SYT2: variants seen among roughly 807,000 people sequenced by gnomAD.
SYT2 encodes the protein synaptotagmin-2.
A neutral mutation model predicts 39.9 loss-of-function variants in SYT2; 15 were observed. That is an observed-to-expected ratio of 0.38 (90% confidence interval 0.25 to 0.58). The LOEUF is 0.58. SYT2 is among the 20% of genes least tolerant of loss of function. SYT2 has a pLI of 0.70. For missense variants in SYT2, 389 were observed against 530.3 expected (o/e 0.73, Z 2.62); for synonymous variants, 181 against 204.5 (o/e 0.89, Z 0.98).
chr1:202,635,170 T>C (rs1444106390), intron 1 of SYT2, among the ~76,000 whole-genome samples: 2 of 152,210 alleles, frequency 1.3e-5, no homozygotes, highest in African/African-American at 2.4e-5. Context: ...CAAAGTCCCA[T>C]GGCTAGGAGG....
rs555348838 is a variant in SYT2 at position 202,599,180 on chromosome 1, A to G, written c.1053+38T>C. ...CTCCCCATACATGTTTGCCTCCCCA[A>G]ACCCTGCTCCATGCCTAGGAACCCA... On this transcript the variant is annotated intron_variant, in intron 8 of 8. Transcript: ENST00000367268. This position sits in a 1 kb window ranked among gnomAD's most constrained non-coding sequence, Gnocchi z 4.4. 3.7e-6 allele frequency: 6 copies of G among 1,609,174 alleles called. No homozygotes were observed. The Admixed American group carries it at 8.5e-5, about 23-fold the overall frequency.
intron 1 of SYT2, among the ~76,000 whole-genome samples, chr1:202,670,852 T>C (rs963382549): frequency 2.6e-5 from 4 of 152,232 alleles, no homozygotes; most frequent in Non-Finnish European, 5.9e-5. Flanking sequence ...TGACTAATCA[T>C]ACACAGCCAT....
At chr1:202,604,866 G>T (rs1306915219) in intron 2 of SYT2, among the ~76,000 whole-genome samples, 1 of 116,280 alleles carries the variant, frequency 8.6e-6, no homozygotes, top group African/African-American at 3.3e-5. Flanking sequence ...TGTTGGTATA[G>T]CCTGCTAGCT....
Position 202,683,120 on chromosome 1 carries a change from G to A in SYT2, c.-18+27138C>T, listed in dbSNP as rs935071383. The stretch of plus-strand genomic sequence containing the variant: ...CCAAAACATGGAGGAGCAGGAATTC[G>A]CCATCACTACTGGTGGGAGTGTAAG... On this transcript the variant is annotated intron_variant, in intron 1 of 8. Transcript: ENST00000367268. 7.2e-5 allele frequency among the ~76,000 whole-genome samples: 11 copies of A among 152,158 alleles called. No homozygotes were observed. The South Asian group carries it at 1.0e-3, about 14-fold the overall frequency.
chr1:202,642,672 T>C (rs1428708537), intron 1 of SYT2, among the ~76,000 whole-genome samples: 2 of 151,958 alleles, frequency 1.3e-5, no homozygotes, highest in African/African-American at 2.4e-5. Flanking sequence ...GCGGGGGCGC[T>C]CAGAAAGGCA....
At chr1:202,618,160 A>G (rs183966243) in intron 1 of SYT2, among the ~76,000 whole-genome samples, 1 of 152,130 alleles carries the variant, frequency 6.6e-6, no homozygotes, top group East Asian at 1.9e-4. Flanking sequence ...CATTCAATAA[A>G]TATGTGGGTC....
intron 1 of SYT2, among the ~76,000 whole-genome samples, chr1:202,666,553 A>G (rs1692484951): frequency 6.6e-6 from 1 of 152,206 alleles, no homozygotes; most frequent in Non-Finnish European, 1.5e-5. Flanking sequence ...AACACCTACC[A>G]TTTCAGAGGT....
At chr1:202,612,010 C>G (rs1374384212) in intron 1 of SYT2, among the ~76,000 whole-genome samples, 1 of 152,150 alleles carries the variant, frequency 6.6e-6, no homozygotes, top group African/African-American at 2.4e-5. Flanking sequence ...GCCATTACAT[C>G]TGGCTAATTT....
intron 1 of SYT2, among the ~76,000 whole-genome samples, chr1:202,635,694 G>T (rs1691722585): frequency 1.3e-5 from 2 of 152,162 alleles, no homozygotes; most frequent in Admixed American, 1.3e-4. Context: ...GACCAGGTGG[G>T]AAGTCTGTAG....
intron 1 of SYT2, among the ~76,000 whole-genome samples, chr1:202,672,182 A>C (rs796757800): frequency 6.6e-5 from 10 of 152,384 alleles, no homozygotes; most frequent in African/African-American, 2.4e-4. Flanking sequence ...TGAAAACAAT[A>C]AAATATAAAG....
At chr1:202,656,637 CAT>C (rs1692282542) in intron 1 of SYT2, among the ~76,000 whole-genome samples, 1 of 152,242 alleles carries the variant, frequency 6.6e-6, no homozygotes, top group African/African-American at 2.4e-5. Flanking sequence ...AGCTGGACCA[CAT>C]GTTAACTTTG....
At chr1:202,691,731 GGGA>G (rs1558463437) in intron 1 of SYT2, among the ~76,000 whole-genome samples, 2 of 51,692 alleles carry the variant, frequency 3.9e-5, no homozygotes, top group African/African-American at 6.7e-5. Flanking sequence ...GGGAGAGGGG[GGGA>G]GAGAGAGAGA....
chr1:202,617,717 GCT>G (rs1399210924), intron 1 of SYT2, among the ~76,000 whole-genome samples: 2 of 151,882 alleles, frequency 1.3e-5, no homozygotes, highest in East Asian at 3.9e-4. Context: ...TGCTTTCCCA[GCT>G]CTCCATTCTC....
At chr1:202,666,075 C>A (rs929526089) in intron 1 of SYT2, among the ~76,000 whole-genome samples, 1 of 150,184 alleles carries the variant, frequency 6.7e-6, no homozygotes, top group Non-Finnish European at 1.5e-5. Context: ...ATGGCGTGAA[C>A]CAGGGAGGCG....
chr1:202,613,097 T>TCC (rs1372155809), intron 1 of SYT2, among the ~76,000 whole-genome samples: 93,251 of 122,942 alleles, frequency 0.76, 39,267 homozygotes, highest in Non-Finnish European at 0.92. Flanking sequence ...TTTTTTTTTT[T>TCC]CCAGACAGAG....
chr1:202,661,125 T>C (rs773799657), intron 1 of SYT2, among the ~76,000 whole-genome samples: 8 of 152,022 alleles, frequency 5.3e-5, no homozygotes, highest in Non-Finnish European at 1.0e-4. Flanking sequence ...TATTCATTGA[T>C]TCAATCAATG....
In SYT2 at chr1:202,600,466, C is replaced by A; in HGVS notation, c.810G>T (p.Lys270Asn). 6.2e-7 allele frequency: 1 copy of A among 1,614,222 alleles called. No homozygotes were observed. Among genetic ancestry groups the A allele is most frequent in the Non-Finnish European group, 8.5e-7 (1 of 1,180,032 alleles). Residue 270 changes from lysine to asparagine, a missense_variant, in exon 7 of 9, where the codon AAG becomes AAT. Physicochemically the swap from Lys to Asn is moderately conservative, Grantham distance 94. This residue lies in a region of SYT2 where 280 missense variants were observed against 335.6 expected (regional missense o/e 0.83). Coordinates refer to ENST00000367268, the MANE Select transcript of SYT2 (RefSeq NM_177402.5). ...GCAGGGAGGTGCAGATGTCGCCCAG[C>A]TTCTCCGGCTGTCCAGGGGAAGAGC... ...LQGGEKEEPE[K>N]LGDICTSLRY...
At chr1:202,625,754 A>G (rs1050344122) in intron 1 of SYT2, among the ~76,000 whole-genome samples, 2 of 151,984 alleles carry the variant, frequency 1.3e-5, no homozygotes, top group Non-Finnish European at 2.9e-5. Flanking sequence ...GAGGTGGGCA[A>G]CCGGTGGGAG....
chr1:202,660,733 T>C (rs1197657593), intron 1 of SYT2, among the ~76,000 whole-genome samples: 1 of 152,210 alleles, frequency 6.6e-6, no homozygotes, highest in East Asian at 1.9e-4. Context: ...TCCTCCCACT[T>C]CAGCCTCCCA....
Sources: allele counts gnomAD v4.1 joint callset (sites outside exome capture counted in the v4.1 genomes callset), GRCh38; gene constraint gnomAD v4.1.1; regional missense constraint gnomAD v4.1.1; non-coding constraint Gnocchi (gnomAD v3.1); transcripts MANE v1.5; gene names NCBI Gene and HGNC (gene_info 2026-07-23, HGNC 2026-07-21).